Variants in GLIS3 observed in about 807,000 individuals in gnomAD.
The protein encoded by GLIS3 is zinc finger protein GLIS3.
Under a neutral mutation model 78.6 loss-of-function variants are expected in GLIS3, and 53 were observed. The observed-to-expected ratio is 0.67, with a 90% confidence interval of 0.54 to 0.85. GLIS3 has a LOEUF of 0.85. GLIS3 is among the 40% of genes least tolerant of loss of function. GLIS3 has a pLI of 0.00. For synonymous variants in GLIS3, 684 were observed against 509.9 expected, an observed-to-expected ratio of 1.34 and a Z score of -4.60; for missense variants, 1,703 against 1,231.1, an observed-to-expected ratio of 1.38 and a Z score of -5.74.
chr9:4,464,426 G>T, the GLIS3 span, among the ~76,000 whole-genome samples: 2 of 150,422 alleles, frequency 1.3e-5, no homozygotes, highest in Non-Finnish European at 1.5e-5. Context: ...ACAGAGTCTT[G>T]CTCTGTCACC....
In GLIS3 at chr9:4,328,629, A is replaced by G. The variant is rs557439849; in HGVS notation, n.265-18101T>C. On this transcript the variant is annotated intron_variant and non_coding_transcript_variant, in intron 2 of 4. Coordinates refer to the GLIS3 transcript ENST00000471664. ...TCATGATTATGTATGTTAAGAAGCAAGGAAGTCGTCCTGAAGCCAGAGAGC... is the reference window on the plus strand; with the variant it reads ...TCATGATTATGTATGTTAAGAAGCAGGGAAGTCGTCCTGAAGCCAGAGAGC... 6.6e-4 allele frequency among the ~76,000 whole-genome samples: 101 copies of G among 152,370 alleles called. 1 individual carries two copies. Among genetic ancestry groups the G allele is most frequent in the Non-Finnish European group, 1.3e-3 (89 of 68,028 alleles).
At chr9:4,489,490 C>T in the GLIS3 span, among the ~76,000 whole-genome samples, 2 of 152,066 alleles carry the variant, frequency 1.3e-5, no homozygotes, top group African/African-American at 2.4e-5. Context: ...ATAAGAAGAC[C>T]GCTTACAGCT....
chr9:4,019,395 C>T (rs571539167), intron 4 of GLIS3, among the ~76,000 whole-genome samples: 1 of 152,090 alleles, frequency 6.6e-6, no homozygotes, highest in South Asian at 2.1e-4. Flanking sequence ...ATCACACAGC[C>T]TCACTGTTTG....
the GLIS3 span, among the ~76,000 whole-genome samples, chr9:4,399,944 A>C: frequency 6.6e-6 from 1 of 152,224 alleles, no homozygotes; most frequent in Non-Finnish European, 1.5e-5. Context: ...TTTTCAATAC[A>C]GCATGGTTGG....
chr9:4,357,575 G>A, the GLIS3 span, among the ~76,000 whole-genome samples: 2 of 151,886 alleles, frequency 1.3e-5, no homozygotes, highest in East Asian at 3.9e-4. Context: ...GTGTGTGTGT[G>A]TGTGTGTGTG....
intron 4 of GLIS3, among the ~76,000 whole-genome samples, chr9:4,059,829 T>TGTGTGTGTGTGTGAGAGAGA: frequency 4.0e-4 from 40 of 100,706 alleles, no homozygotes; most frequent in African/African-American, 1.0e-3. Context: ...TGTGTGTGTG[T>TGTGTGTGTGTGTGAGAGAGA]GAGAGAGAGA....
intron 8 of GLIS3, among the ~76,000 whole-genome samples, chr9:3,876,567 T>G (rs1821321625): frequency 7.1e-6 from 1 of 140,282 alleles, no homozygotes; most frequent in South Asian, 2.4e-4. Context: ...TAAAGCTCAG[T>G]GATATCTGCA....
At chr9:4,263,513 C>CAA (rs60965547) in intron 2 of GLIS3, among the ~76,000 whole-genome samples, 23 of 150,072 alleles carry the variant, frequency 1.5e-4, no homozygotes, top group African/African-American at 2.9e-4. Flanking sequence ...GCATTGAGGC[C>CAA]AAAAAAAAAG....
the GLIS3 span, among the ~76,000 whole-genome samples, chr9:4,400,546 A>T: frequency 1.3e-5 from 2 of 152,376 alleles, no homozygotes; most frequent in Non-Finnish European, 2.9e-5. Flanking sequence ...ATTTGTCAAA[A>T]GTTGTAAAAG....
intron 4 of GLIS3, among the ~76,000 whole-genome samples, chr9:4,080,557 T>G (rs1481205294): frequency 1.3e-5 from 2 of 152,128 alleles, no homozygotes; most frequent in African/African-American, 4.8e-5. Flanking sequence ...TCTACCCCAT[T>G]TAAAATTTTG....
rs78829686 is a variant in GLIS3, at chr9:4,106,135, G to A, written c.1710+11633C>T. On this transcript the variant is annotated intron_variant, in intron 4 of 10. Coordinates refer to ENST00000381971, the MANE Select transcript of GLIS3 (RefSeq NM_001042413.2). ...TCCACCAACACCTTAGACAAGTTTC[G>A]ACAAGCACTGCTGAATCACTTGAGA... Among the ~76,000 whole-genome samples, 357 of 152,186 alleles carry A rather than the reference G, an allele frequency of 2.3e-3. 1 individual carries two copies. Among genetic ancestry groups the A allele is most frequent in the African/African-American group, 8.1e-3 (336 of 41,516 alleles).
chr9:4,397,686 G>T, the GLIS3 span, among the ~76,000 whole-genome samples: 16 of 13,976 alleles, frequency 1.1e-3, no homozygotes, highest in African/African-American at 1.8e-3. Flanking sequence ...GGAAGGGAGG[G>T]AGGGAGGGAG....
chr9:3,899,055 C>T (rs1286108967), intron 6 of GLIS3: 3 of 600,288 alleles, frequency 5.0e-6, no homozygotes, highest in South Asian at 1.9e-5. Flanking sequence ...TGGCTAGAGG[C>T]GGATTTGACT....
chr9:3,860,132 G>A (rs566211304), intron 8 of GLIS3, among the ~76,000 whole-genome samples: 46 of 151,916 alleles, frequency 3.0e-4, no homozygotes, highest in African/African-American at 1.1e-3. Context: ...AATATTAGCC[G>A]GGTGTAGTGG....
chr9:4,322,836 A>G (rs1276682014), intron 2 of GLIS3, among the ~76,000 whole-genome samples: 2 of 152,156 alleles, frequency 1.3e-5, no homozygotes, highest in African/African-American at 4.8e-5. Flanking sequence ...GGTAGATTGC[A>G]AAAATTTTCT....
the GLIS3 span, among the ~76,000 whole-genome samples, chr9:4,412,751 C>A: frequency 6.6e-6 from 1 of 152,160 alleles, no homozygotes; most frequent in African/African-American, 2.4e-5. Context: ...TTAAATTTAG[C>A]CATAAGACTG....
At chr9:4,111,692 A>G (rs1831223348) in intron 4 of GLIS3, among the ~76,000 whole-genome samples, 1 of 152,250 alleles carries the variant, frequency 6.6e-6, no homozygotes, top group Non-Finnish European at 1.5e-5. Flanking sequence ...ACACAGATAC[A>G]TATGTTTGTA....
chr9:4,102,287 A>C (rs10814840), intron 4 of GLIS3, among the ~76,000 whole-genome samples: 97,847 of 152,020 alleles, frequency 0.64, 35,311 homozygotes, highest in South Asian at 0.92. Flanking sequence ...TCAGAAGCTA[A>C]AGAGGTCATG....
intron 4 of GLIS3, among the ~76,000 whole-genome samples, chr9:3,996,098 C>G (rs1240157767): frequency 1.3e-5 from 2 of 152,048 alleles, no homozygotes; most frequent in African/African-American, 2.4e-5. Flanking sequence ...ACAGCAACAT[C>G]AGGAGGAATC....
Sources: allele counts gnomAD v4.1 joint callset (sites outside exome capture counted in the v4.1 genomes callset), GRCh38; gene constraint gnomAD v4.1.1; transcripts MANE v1.5; gene names NCBI Gene and HGNC (gene_info 2026-07-23, HGNC 2026-07-21).